Variants in SCFD2 observed in about 807,000 individuals in gnomAD.
The protein encoded by SCFD2 is sec1 family domain-containing protein 2.
SCFD2 carries 54 observed loss-of-function variants against 58.9 expected under a neutral mutation model. The ratio of observed to expected loss-of-function variants is 0.92; its 90% CI spans 0.74 to 1.15. The LOEUF is 1.15. Ranked by LOEUF, SCFD2 falls within the 50% of genes most tolerant of loss-of-function variation. The pLI, the probability that SCFD2 is intolerant of heterozygous loss-of-function variation, is 0.00. For synonymous variants in SCFD2, 321 were observed against 335.9 expected (o/e 0.96, Z 0.49); for missense variants, 805 against 836.6 (o/e 0.96, Z 0.47).
chr4:53,007,408 AGGGAGGGAGGGAGGG>A lies in SCFD2; in HGVS notation c.1562-86553_1562-86539del, dbSNP rs1560508116. On this transcript the variant is annotated intron_variant, in intron 5 of 8. Transcript: ENST00000401642. The stretch of plus-strand genomic sequence containing the variant: ...AAAGAAGGAAGGAAGGAAGGAAGGG[AGGGAGGGAGGGAGGG>A]AGGGAGGGAGGGAGGAAGGATAGAC... 1.5e-4 allele frequency among the ~76,000 whole-genome samples: 11 copies of A among 72,742 alleles called. No homozygotes were observed. The East Asian group carries it at 1.8e-3, about 12-fold the overall frequency. The allele number at this position is 72,742 out of a possible 152,430, so 47.7% of individuals were successfully genotyped here.
At chr4:53,324,610 A>G (rs941224749) in intron 2 of SCFD2, among the ~76,000 whole-genome samples, 1 of 152,072 alleles carries the variant, frequency 6.6e-6, no homozygotes, top group Admixed American at 6.5e-5. Context: ...TCATGCCCTT[A>G]TTGTGGATTT....
chr4:52,941,940 A>G (rs1318446244), intron 5 of SCFD2, among the ~76,000 whole-genome samples: 2 of 152,276 alleles, frequency 1.3e-5, no homozygotes, highest in East Asian at 3.9e-4. Context: ...TGCTCCAATG[A>G]GCATTTCCTT....
intron 4 of SCFD2, among the ~76,000 whole-genome samples, chr4:53,152,331 G>A (rs531907913): frequency 5.9e-5 from 9 of 151,328 alleles, no homozygotes; most frequent in South Asian, 2.1e-4. Context: ...CAGTAAATCC[G>A]TATCATACTA....
At chr4:53,213,711 T>C (rs541519959) in intron 4 of SCFD2, among the ~76,000 whole-genome samples, 29 of 152,126 alleles carry the variant, frequency 1.9e-4, no homozygotes, top group Non-Finnish European at 4.3e-4. Context: ...AACATGAAGG[T>C]TAGTTACATA....
intron 4 of SCFD2, among the ~76,000 whole-genome samples, chr4:53,171,766 C>G (rs1355546371): frequency 6.6e-6 from 1 of 151,610 alleles, no homozygotes; most frequent in Non-Finnish European, 1.5e-5. Flanking sequence ...CTAGGTTATC[C>G]CATTTGTTGC....
At chr4:53,007,096 C>T (rs1031257371) in intron 5 of SCFD2, among the ~76,000 whole-genome samples, 12 of 151,628 alleles carry the variant, frequency 7.9e-5, no homozygotes, top group Non-Finnish European at 1.3e-4. Context: ...ACCTGGGCAA[C>T]GTAATGAGAC....
chr4:53,198,767 G>A (rs183367922), intron 4 of SCFD2, among the ~76,000 whole-genome samples: 2 of 152,096 alleles, frequency 1.3e-5, no homozygotes, highest in East Asian at 3.9e-4. Context: ...CTGCTCCTAT[G>A]CTTTATCACC....
At chr4:52,914,880 G>C (rs1319730927) in intron 6 of SCFD2, among the ~76,000 whole-genome samples, 2 of 152,036 alleles carry the variant, frequency 1.3e-5, no homozygotes, top group African/African-American at 4.8e-5. Flanking sequence ...CTGATAGCTT[G>C]GTAGAGCTTA....
At chr4:53,288,651 C>G (rs1162012210) in intron 3 of SCFD2, among the ~76,000 whole-genome samples, 1 of 152,110 alleles carries the variant, frequency 6.6e-6, no homozygotes, top group Non-Finnish European at 1.5e-5. Context: ...CTACACCCAG[C>G]AAAGCTTTCC....
chr4:53,186,391 A>G (rs1727737551), intron 4 of SCFD2, among the ~76,000 whole-genome samples: 1 of 152,044 alleles, frequency 6.6e-6, no homozygotes, highest in Non-Finnish European at 1.5e-5. Flanking sequence ...CTGGGGAGGC[A>G]GACTCTGTCT....
intron 3 of SCFD2, among the ~76,000 whole-genome samples, chr4:53,293,758 T>A (rs1362666712): frequency 6.6e-6 from 1 of 152,036 alleles, no homozygotes; most frequent in African/African-American, 2.4e-5. Flanking sequence ...ATATTTTGAG[T>A]TTTGGGGTAC....
intron 5 of SCFD2, among the ~76,000 whole-genome samples, chr4:52,978,845 A>G (rs73144966): frequency 0.045 from 6,882 of 152,084 alleles, 222 homozygotes; most frequent in African/African-American, 0.08. Flanking sequence ...TTTGATAAGT[A>G]TCACATATAA....
At chr4:53,001,930 A>C (rs1721873057) in intron 5 of SCFD2, among the ~76,000 whole-genome samples, 1 of 152,248 alleles carries the variant, frequency 6.6e-6, no homozygotes, top group South Asian at 2.1e-4. Flanking sequence ...GTAAGCTGTA[A>C]AGCTAAGACT....
intron 5 of SCFD2, among the ~76,000 whole-genome samples, chr4:53,059,154 A>G (rs1403211385): frequency 6.6e-6 from 1 of 152,106 alleles, no homozygotes; most frequent in African/African-American, 2.4e-5. Flanking sequence ...CCTTGCCTCA[A>G]AGGAAATAGG....
chr4:52,963,785 G>T (rs980141757), intron 5 of SCFD2, among the ~76,000 whole-genome samples: 1 of 152,160 alleles, frequency 6.6e-6, no homozygotes, highest in Non-Finnish European at 1.5e-5. Context: ...CACTCCAAAA[G>T]ATACACTATT....
intron 4 of SCFD2, among the ~76,000 whole-genome samples, chr4:53,245,642 C>G (rs1318658389): frequency 6.6e-6 from 1 of 151,950 alleles, no homozygotes; most frequent in African/African-American, 2.4e-5. Context: ...ATATACCTCA[C>G]ACAAACTAGG....
At chr4:53,347,771 T>C (rs746301025) in intron 2 of SCFD2, among the ~76,000 whole-genome samples, 2 of 152,180 alleles carry the variant, frequency 1.3e-5, no homozygotes, top group Non-Finnish European at 2.9e-5. Flanking sequence ...GGAAGCCAGA[T>C]GGCACATAAT....
At chr4:53,150,788 G>A (rs951926684) in intron 4 of SCFD2, among the ~76,000 whole-genome samples, 2 of 152,136 alleles carry the variant, frequency 1.3e-5, no homozygotes, top group Admixed American at 6.5e-5. Flanking sequence ...GCATAACATT[G>A]GGACAATTGC....
intron 5 of SCFD2, among the ~76,000 whole-genome samples, chr4:53,135,409 GC>G (rs1725906620): frequency 6.6e-6 from 1 of 152,120 alleles, no homozygotes; most frequent in Non-Finnish European, 1.5e-5. Context: ...TTGAGAGATG[GC>G]AATACCAGAC....
Sources: allele counts gnomAD v4.1 joint callset (sites outside exome capture counted in the v4.1 genomes callset), GRCh38; gene constraint gnomAD v4.1.1; transcripts MANE v1.5; gene names NCBI Gene and HGNC (gene_info 2026-07-23, HGNC 2026-07-21).